Variants in EXOC6 observed in about 807,000 individuals in gnomAD.
EXOC6 encodes the protein SEC15-like 1.
EXOC6 carries 60 observed loss-of-function variants against 112.5 expected under a neutral mutation model. The observed-to-expected ratio is 0.53, with a 90% CI of 0.43 to 0.66. The LOEUF is 0.66. Among genes scored for constraint, EXOC6 ranks in the 30% least tolerant of loss-of-function variants. The probability of loss-of-function intolerance (pLI) is 0.00; values close to 1 mark genes in which losing one functional copy is unlikely to be tolerated. For missense variants in EXOC6, 855 were observed against 957.1 expected (o/e 0.89, Z 1.41); for synonymous variants, 295 against 308.0 (o/e 0.96, Z 0.44).
intron 17 of EXOC6, among the ~76,000 whole-genome samples, chr10:92,966,278 T>TATAATA (rs1455816327): frequency 2.6e-5 from 3 of 113,648 alleles, no homozygotes; most frequent in Admixed American, 1.0e-4. Flanking sequence ...AGCATGTAAT[T>TATAATA]ATAATTATTA....
At chr10:92,848,799 C>T (rs897616354) in intron 1 of EXOC6, among the ~76,000 whole-genome samples, 165 bp downstream of exon 1, 12 of 151,760 alleles carry the variant, frequency 7.9e-5, no homozygotes, top group Admixed American at 3.3e-4. Flanking sequence ...TAGCCGGTAC[C>T]CGGGCGGGAC....
intron 20 of EXOC6, among the ~76,000 whole-genome samples, chr10:93,028,129 A>G (rs763767800): frequency 3.9e-5 from 6 of 151,928 alleles, no homozygotes; most frequent in Non-Finnish European, 8.8e-5. Context: ...AGACGCTGTC[A>G]TATGTTATTT....
At chr10:92,842,440 G>GTCATCATCATCA (rs137992222) in intron 1 of EXOC6, among the ~76,000 whole-genome samples, 9 of 147,746 alleles carry the variant, frequency 6.1e-5, no homozygotes, top group African/African-American at 1.0e-4. Flanking sequence ...AATGTCAGCT[G>GTCATCATCATCA]TCATCATCAT....
At chr10:92,886,737 A>G (rs1849234863) in intron 1 of EXOC6, among the ~76,000 whole-genome samples, 1 of 152,256 alleles carries the variant, frequency 6.6e-6, no homozygotes, top group South Asian at 2.1e-4. Context: ...AATGATTAAC[A>G]TAGTTAAGCC....
At position 92,915,747 on chromosome 10, in the gene EXOC6, C is replaced by T. The variant is rs1488355078; in HGVS notation, c.664-11C>T. On this transcript the variant is annotated splice_polypyrimidine_tract_variant and intron_variant, in intron 6 of 21. Coordinates refer to ENST00000260762, the MANE Select transcript of EXOC6 (RefSeq NM_019053.6). ...TTTGAAATAATCTGAATTTCTCTCTCTTCAAAATAGGCACAGCATCAGAAA... is the reference window on the plus strand; with the variant it reads ...TTTGAAATAATCTGAATTTCTCTCTTTTCAAAATAGGCACAGCATCAGAAA... 3.3e-6 allele frequency: 5 copies of T among 1,503,640 alleles called. No individual in the cohort carries two copies. Among genetic ancestry groups the T allele is most frequent in the Non-Finnish European group, 4.4e-6 (5 of 1,137,094 alleles). The allele number at this position is 1,503,640 out of a possible 1,614,324, so 93.1% of individuals were successfully genotyped here.
chr10:92,890,450 A>G (rs1564804541), intron 1 of EXOC6, among the ~76,000 whole-genome samples: 2 of 152,180 alleles, frequency 1.3e-5, no homozygotes, highest in African/African-American at 4.8e-5. Context: ...TATGATAGAC[A>G]CTATTCTAGG....
At chr10:93,046,364 A>G (rs1237982218) in intron 20 of EXOC6, among the ~76,000 whole-genome samples, 6 of 152,226 alleles carry the variant, frequency 3.9e-5, no homozygotes, top group Non-Finnish European at 8.8e-5. Context: ...ACTAACCTCT[A>G]ATGTCAATAT....
chr10:92,923,171 C>T (rs1851536071), intron 8 of EXOC6, among the ~76,000 whole-genome samples: 1 of 152,182 alleles, frequency 6.6e-6, no homozygotes, highest in Non-Finnish European at 1.5e-5. Flanking sequence ...ATAACTTATG[C>T]TCTGAAGTTG....
intron 8 of EXOC6, among the ~76,000 whole-genome samples, chr10:92,922,910 G>C (rs951693507): frequency 4.6e-5 from 7 of 152,124 alleles, no homozygotes; most frequent in Non-Finnish European, 1.0e-4. Context: ...GGGGCCCTGG[G>C]CTAGAAACTT....
chr10:92,875,860 CT>C (rs958217038), intron 1 of EXOC6, among the ~76,000 whole-genome samples: 2 of 151,740 alleles, frequency 1.3e-5, no homozygotes, highest in South Asian at 2.1e-4. Context: ...ATTTTCATCC[CT>C]TTTTTATCAA....
chr10:92,921,197 AT>A (rs1410527452), intron 8 of EXOC6, among the ~76,000 whole-genome samples: 1 of 148,802 alleles, frequency 6.7e-6, no homozygotes, highest in Non-Finnish European at 1.5e-5. Flanking sequence ...TGTCTTGTGC[AT>A]TAAATAGATA....
At chr10:93,051,800 T>A (rs1230817600) in intron 20 of EXOC6, among the ~76,000 whole-genome samples, 1 of 152,178 alleles carries the variant, frequency 6.6e-6, no homozygotes. Flanking sequence ...GTACTAGGGT[T>A]TAGGACTTTT....
intron 17 of EXOC6, among the ~76,000 whole-genome samples, chr10:92,964,940 G>T (rs1378592199): frequency 6.6e-6 from 1 of 152,096 alleles, no homozygotes; most frequent in African/African-American, 2.4e-5. Flanking sequence ...ACCTCACATC[G>T]TCATGTCCTG....
intron 13 of EXOC6, among the ~76,000 whole-genome samples, chr10:92,944,934 G>A (rs997327474): frequency 3.3e-5 from 5 of 152,062 alleles, no homozygotes; most frequent in Non-Finnish European, 4.4e-5. Context: ...CACCACGTCC[G>A]TCTAATTTTG....
chr10:92,908,073 T>TTTTA (rs1188818750), intron 5 of EXOC6, among the ~76,000 whole-genome samples: 1 of 149,946 alleles, frequency 6.7e-6, no homozygotes, highest in Admixed American at 6.6e-5. Context: ...TTTTTTTTTT[T>TTTTA]TTTTGAGAAA....
At chr10:92,875,542 CCT>C (rs1848647652) in intron 1 of EXOC6, among the ~76,000 whole-genome samples, 2 of 152,116 alleles carry the variant, frequency 1.3e-5, no homozygotes, top group Admixed American at 6.5e-5. Context: ...CTCATGAATT[CCT>C]ACTGTGTTAC....
At chr10:92,887,694 C>T (rs1849294131) in intron 1 of EXOC6, among the ~76,000 whole-genome samples, 2 of 152,042 alleles carry the variant, frequency 1.3e-5, no homozygotes, top group South Asian at 2.1e-4. Context: ...AGTGAGCCAC[C>T]GTGCCCAGCC....
At chr10:92,976,791 C>A (rs990330074) in intron 18 of EXOC6, among the ~76,000 whole-genome samples, 1 of 151,414 alleles carries the variant, frequency 6.6e-6, no homozygotes. Context: ...TCTATCCTGG[C>A]ACGTAGTCAT....
rs1228695308 is a variant in EXOC6, at chr10:93,035,731, T to C, written c.2170-21193T>C. On this transcript the variant is annotated intron_variant, in intron 20 of 21. Transcript: ENST00000260762. ...TTAGACGAGTGCATTGGCATATGCT[T>C]GTAATCCCCACTAGTTGGGAGGTTG... Among the ~76,000 whole-genome samples the C allele has an allele frequency of 1.2e-4, 19 of 152,112 alleles. 1 individual carries two copies. Among genetic ancestry groups the C allele is most frequent in the Admixed American group, 1.2e-3 (19 of 15,272 alleles).
Sources: gnomAD v4.1 joint callset for allele counts (sites outside exome capture counted in the v4.1 genomes callset) on GRCh38, gnomAD v4.1.1 for gene constraint, MANE v1.5 for transcripts, NCBI Gene and HGNC (gene_info 2026-07-23, HGNC 2026-07-21) for gene names.